The following PTCHD4 variants were observed in gnomAD, a reference collection of about 807,000 sequenced individuals.
The protein encoded by PTCHD4 is patched domain-containing protein 4.
Under a neutral mutation model 58.1 loss-of-function variants are expected in PTCHD4, and 33 were observed. That is an observed-to-expected ratio of 0.57 (90% confidence interval 0.43 to 0.76). The LOEUF is 0.76. Ranked by LOEUF, PTCHD4 falls within the 30% of genes least tolerant of loss-of-function variation. The probability of loss-of-function intolerance (pLI) is 0.00; values close to 1 mark genes in which losing one functional copy is unlikely to be tolerated. For synonymous variants in PTCHD4, 478 were observed against 409.6 expected (o/e 1.17, Z -2.02); for missense variants, 1,058 against 1,027.1 (o/e 1.03, Z -0.41).
chr6:47,897,687 C>A (rs4715052), intron 4 of PTCHD4, among the ~76,000 whole-genome samples: 110,373 of 151,964 alleles, frequency 0.73, 40,254 homozygotes, highest in East Asian at 0.84. Flanking sequence ...GGACTTTGGG[C>A]AACACTGTGC....
At chr6:48,001,503 TG>T (rs1363905800) in intron 4 of PTCHD4, among the ~76,000 whole-genome samples, 1 of 152,182 alleles carries the variant, frequency 6.6e-6, no homozygotes, top group African/African-American at 2.4e-5. Context: ...AAACAAGAAC[TG>T]GGGAAAGGAT....
intron 3 of PTCHD4, among the ~76,000 whole-genome samples, chr6:48,026,214 G>C (rs750657161): frequency 6.6e-6 from 1 of 152,140 alleles, no homozygotes; most frequent in African/African-American, 2.4e-5. Context: ...GTGGGAATTA[G>C]TCCCTGACTC....
Position 48,108,870 on chromosome 6 carries a change from A to G in PTCHD4, c.-970+2179T>C, listed in dbSNP as rs569497132. On this transcript the variant is annotated intron_variant, in intron 1 of 4. Transcript: ENST00000339488. ...TTTGGAAAACATTAATAAACAAAAT[A>G]TTAAAAATGCTAGCAAGTCTGATTA... Among the ~76,000 whole-genome samples, 27 of 152,044 alleles carry G rather than the reference A, an allele frequency of 1.8e-4. No homozygotes were observed. The South Asian group carries it at 5.4e-3, about 30-fold the overall frequency.
Position 47,865,785 on chromosome 6 carries a change from C to CTAA in PTCHD4, c.*12515_*12517dup, listed in dbSNP as rs539053822. ...AGATTAATACTTCTAAATTTTGAATCTAATAATAATAATAATAAAAAGTAA... is the reference window on the plus strand; with the variant it reads ...AGATTAATACTTCTAAATTTTGAATCTAATAATAATAATAATAATAAAAAGTAA... On this transcript the variant is annotated 3_prime_UTR_variant, in exon 5 of 5. Coordinates refer to ENST00000339488, the MANE Select transcript of PTCHD4 (RefSeq NM_001384253.1). 2.8e-3 allele frequency among the ~76,000 whole-genome samples: 419 copies of CTAA among 151,630 alleles called. 3 individuals are homozygous for CTAA. Among genetic ancestry groups the CTAA allele is most frequent in the African/African-American group, 8.1e-3 (337 of 41,406 alleles).
rs375748791 is a variant in PTCHD4, at chr6:48,105,971, CA to C, written c.-970+5077del. The stretch of plus-strand genomic sequence containing the variant: ...AGGCAATAATTAAGAGCTTACCAAC[CA>C]AAAAAAAGTCCAGGACAAGATGGAT... On this transcript the variant is annotated intron_variant, in intron 1 of 4. Coordinates refer to ENST00000339488, the MANE Select transcript of PTCHD4 (RefSeq NM_001384253.1). Among the ~76,000 whole-genome samples, 56 of 151,534 alleles carry C rather than the reference CA, an allele frequency of 3.7e-4. No homozygotes were observed. In the East Asian group the frequency reaches 9.9e-3, roughly 27 times the overall value.
intron 3 of PTCHD4, among the ~76,000 whole-genome samples, chr6:48,014,069 C>T (rs953056060): frequency 6.6e-6 from 1 of 152,026 alleles, no homozygotes; most frequent in African/African-American, 2.4e-5. Flanking sequence ...CACTTCTATC[C>T]CTCTTTTCCC....
At chr6:48,097,459 A>G (rs1765497616) in intron 1 of PTCHD4, among the ~76,000 whole-genome samples, 1 of 152,238 alleles carries the variant, frequency 6.6e-6, no homozygotes, top group South Asian at 2.1e-4. Flanking sequence ...TTTGGAATTT[A>G]AATGCAAATC....
At chr6:48,015,342 C>G (rs1271701831) in intron 3 of PTCHD4, among the ~76,000 whole-genome samples, 3 of 151,924 alleles carry the variant, frequency 2.0e-5, no homozygotes, top group Non-Finnish European at 4.4e-5. Context: ...CACCTAAAAC[C>G]CTCCCCTGGT....
At chr6:48,053,299 C>T (rs770137414) in intron 3 of PTCHD4, among the ~76,000 whole-genome samples, 1 of 152,090 alleles carries the variant, frequency 6.6e-6, no homozygotes, top group African/African-American at 2.4e-5. Flanking sequence ...ATATTCAAAA[C>T]GTGACAGCTA....
intron 4 of PTCHD4, among the ~76,000 whole-genome samples, chr6:47,895,793 C>T (rs1764511922): frequency 6.6e-6 from 1 of 151,900 alleles, no homozygotes; most frequent in Admixed American, 6.6e-5. Context: ...AAGTATTTTG[C>T]CACATACCCA....
Position 47,867,088 on chromosome 6 carries a change from A to C in PTCHD4, c.*11215T>G, listed in dbSNP as rs1007141948. On this transcript the variant is annotated 3_prime_UTR_variant, in exon 5 of 5. Coordinates refer to ENST00000339488, the MANE Select transcript of PTCHD4 (RefSeq NM_001384253.1). ...TCTGGGAACAATCTATAAATCAGGGACAATAATACCTATTCTATTAGGCAG... is the reference window on the plus strand; with the variant it reads ...TCTGGGAACAATCTATAAATCAGGGCCAATAATACCTATTCTATTAGGCAG... Among the ~76,000 whole-genome samples, 2 of 151,830 alleles carry C rather than the reference A, an allele frequency of 1.3e-5. No homozygotes were observed. The highest frequency in any genetic ancestry group is 2.9e-5 in the Non-Finnish European group (2 of 67,862).
intron 3 of PTCHD4, among the ~76,000 whole-genome samples, chr6:48,057,293 C>T (rs1342194634): frequency 2.6e-5 from 4 of 151,894 alleles, no homozygotes; most frequent in Admixed American, 1.3e-4. Context: ...GTAGCCAGAG[C>T]TTGGACAAAT....
intron 1 of PTCHD4, among the ~76,000 whole-genome samples, chr6:48,081,837 C>G (rs946063362): frequency 4.6e-5 from 7 of 152,168 alleles, no homozygotes; most frequent in Non-Finnish European, 1.0e-4. Context: ...CTATGCTAAA[C>G]AGTAGGCTAT....
At chr6:47,907,088 G>A (rs1447155310) in intron 4 of PTCHD4, among the ~76,000 whole-genome samples, 2 of 152,122 alleles carry the variant, frequency 1.3e-5, no homozygotes, top group African/African-American at 4.8e-5. Context: ...GAAACGAACA[G>A]GTTTTCAAAT....
chr6:47,893,386 G>A (rs963133328), intron 4 of PTCHD4, among the ~76,000 whole-genome samples: 2 of 152,170 alleles, frequency 1.3e-5, no homozygotes, highest in Non-Finnish European at 1.5e-5. Flanking sequence ...AAGGTTGTAT[G>A]TGTAGCAACT....
At chr6:47,885,923 A>G (rs1186179038) in intron 4 of PTCHD4, among the ~76,000 whole-genome samples, 1 of 152,068 alleles carries the variant, frequency 6.6e-6, no homozygotes, top group African/African-American at 2.4e-5. Context: ...GGTTCAAGTA[A>G]TTCTCCAGCC....
chr6:47,950,428 G>A (rs1010358552), intron 4 of PTCHD4, among the ~76,000 whole-genome samples: 1 of 152,076 alleles, frequency 6.6e-6, no homozygotes, highest in Non-Finnish European at 1.5e-5. Flanking sequence ...GAAGTAGCTG[G>A]ATTTGGATAC....
intron 3 of PTCHD4, among the ~76,000 whole-genome samples, chr6:48,030,009 T>G (rs1763380296): frequency 6.6e-6 from 1 of 152,000 alleles, no homozygotes; most frequent in African/African-American, 2.4e-5. Context: ...GTTACCCAAA[T>G]CTATAGGTAC....
At position 47,858,656 on chromosome 6, in the gene PTCHD4, C is replaced by A. The variant is rs959522274; in HGVS notation, c.*19647G>T. ...CATAAAACAAAGAGCAATAAGAAAT[C>A]TGAACACAAGTAACAAGGCTACACT... On this transcript the variant is annotated 3_prime_UTR_variant, in exon 5 of 5. Transcript: ENST00000339488. Among the ~76,000 whole-genome samples, 2 of 151,928 alleles carry A rather than the reference C, an allele frequency of 1.3e-5. No homozygotes were observed. The highest frequency in any genetic ancestry group is 4.8e-5 in the African/African-American group (2 of 41,418).
Sources: gnomAD v4.1 joint callset for allele counts (sites outside exome capture counted in the v4.1 genomes callset) on GRCh38, gnomAD v4.1.1 for gene constraint, MANE v1.5 for transcripts, NCBI Gene and HGNC (gene_info 2026-07-23, HGNC 2026-07-21) for gene names.